Variants in SLC1A1 observed in about 807,000 individuals in gnomAD.
SLC1A1 encodes solute carrier family 1 member 1, also known as excitatory amino acid transporter 3.
Under a neutral mutation model 53.3 loss-of-function variants are expected in SLC1A1, and 43 were observed. The ratio of observed to expected loss-of-function variants is 0.81; its 90% CI spans 0.63 to 1.04. The LOEUF is 1.04. Ranked by LOEUF, SLC1A1 falls within the 50% of genes least tolerant of loss-of-function variation. SLC1A1 has a pLI of 0.00. For missense variants in SLC1A1, 748 were observed against 664.9 expected, an observed-to-expected ratio of 1.12 and a Z score of -1.37; for synonymous variants, 307 against 243.2, an observed-to-expected ratio of 1.26 and a Z score of -2.44.
chr9:4,490,971 G>C (rs542425538), intron 1 of SLC1A1, among the ~76,000 whole-genome samples: 2 of 152,192 alleles, frequency 1.3e-5, no homozygotes, highest in Non-Finnish European at 2.9e-5. Flanking sequence ...AGCTCCTCTG[G>C]GACTCCCATT....
chr9:4,580,404 G>A (rs867894695), intron 10 of SLC1A1, among the ~76,000 whole-genome samples: 2 of 151,804 alleles, frequency 1.3e-5, no homozygotes, highest in Non-Finnish European at 2.9e-5. Flanking sequence ...AACAAGGCGA[G>A]GCCCCGTCTC....
At chr9:4,535,330 C>G (rs992414403) in intron 1 of SLC1A1, among the ~76,000 whole-genome samples, 1 of 152,132 alleles carries the variant, frequency 6.6e-6, no homozygotes, top group Non-Finnish European at 1.5e-5. Flanking sequence ...CCCAAAATCT[C>G]CTTAGGCTGA....
rs1491305815 is a variant in SLC1A1 at position 4,537,592 on chromosome 9, A to ATAAAATAAAT, written c.92-6966_92-6965insTTAAAATAAA. On this transcript the variant is annotated intron_variant, in intron 1 of 11. Coordinates refer to ENST00000262352, the MANE Select transcript of SLC1A1 (RefSeq NM_004170.6). ...AAAAAATAAAATAAAATAAAATAAAATAAAATAAAAAAAAAAAAAATCACA... is the reference window on the plus strand; with the variant it reads ...AAAAAATAAAATAAAATAAAATAAAATAAAATAAATTAAAATAAAAAAAAAAAAAATCACA... 5.0e-5 allele frequency among the ~76,000 whole-genome samples: 2 copies of ATAAAATAAAT among 39,722 alleles called. 1 individual carries two copies. Among genetic ancestry groups the ATAAAATAAAT allele is most frequent in the African/African-American group, 2.3e-4 (2 of 8,552 alleles). The allele number at this position is 39,722 out of a possible 152,430, so 26.1% of individuals were successfully genotyped here.
chr9:4,580,597 A>ATG (rs1465711241), intron 10 of SLC1A1, among the ~76,000 whole-genome samples: 7 of 53,682 alleles, frequency 1.3e-4, no homozygotes, highest in Non-Finnish European at 2.0e-4. Flanking sequence ...AAAAAAAAAT[A>ATG]TATATGTGTG....
chr9:4,492,244 T>C (rs1230203834), intron 1 of SLC1A1, among the ~76,000 whole-genome samples: 1 of 152,186 alleles, frequency 6.6e-6, no homozygotes. Flanking sequence ...TTGATTTCCT[T>C]TAGGCCAAAG....
intron 1 of SLC1A1, among the ~76,000 whole-genome samples, chr9:4,528,389 G>T (rs1183919832): frequency 6.6e-6 from 1 of 152,108 alleles, no homozygotes; most frequent in African/African-American, 2.4e-5. Flanking sequence ...TGGCTAACAT[G>T]GTGAAACCCC....
Position 4,564,374 on chromosome 9 carries a change from G to A in SLC1A1, c.356G>A (p.Gly119Asp). The change falls in exon 4 of 12, where the codon GGT (glycine) becomes GAT (aspartate). Residue 119 changes from glycine (G) to aspartate (D), a missense_variant. Coordinates refer to ENST00000262352, the MANE Select transcript of SLC1A1 (RefSeq NM_004170.6). Reference sequence around the variant, plus strand: ...GTGCTGGTGGTGAGCATCAAGCCTGGTGTCACCCAGAAAGTGGGTGAAATT... The same window carrying A: ...GTGCTGGTGGTGAGCATCAAGCCTGATGTCACCCAGAAAGTGGGTGAAATT... Reference protein sequence around the residue: ...GIVLVVSIKPGVTQKVGEIAR... With the variant: ...GIVLVVSIKPDVTQKVGEIAR... 6.2e-7 allele frequency: 1 copy of A among 1,613,676 alleles called. No homozygotes were observed. Among genetic ancestry groups the A allele is most frequent in the Non-Finnish European group, 8.5e-7 (1 of 1,179,784 alleles).
At chr9:4,510,724 A>G (rs140351009) in intron 1 of SLC1A1, among the ~76,000 whole-genome samples, 1 of 152,334 alleles carries the variant, frequency 6.6e-6, no homozygotes, top group African/African-American at 2.4e-5. Flanking sequence ...TATTAGTTCA[A>G]ACAAGACTCC....
Position 4,544,587 on chromosome 9 carries a change from G to C in SLC1A1, c.112G>C (p.Val38Leu). Residue 38 changes from valine (V) to leucine (L), a missense_variant, in exon 2 of 12, where the codon GTT becomes CTT. Val to Leu is a conservative substitution (Grantham distance 32). Transcript: ENST00000262352. ...VVLGITTGVLVREHSNLSTLE... is the reference protein window; with the variant it reads ...VVLGITTGVLLREHSNLSTLE... ...CTTAGGCATTACCACAGGAGTCTTG[G>C]TTCGAGAACACAGCAACCTCTCAAC... 6.2e-7 allele frequency: 1 copy of C among 1,613,828 alleles called. No homozygotes were observed. The highest frequency in any genetic ancestry group is 2.2e-5 in the East Asian group (1 of 44,866).
chr9:4,497,602 A>T (rs572028826), intron 1 of SLC1A1, among the ~76,000 whole-genome samples: 28 of 152,254 alleles, frequency 1.8e-4, no homozygotes, highest in African/African-American at 6.7e-4. Context: ...ACCTCCATAA[A>T]TTCTCCTCTG....
chr9:4,576,727 A>G lies in SLC1A1; in HGVS notation c.1157A>G (p.Asp386Gly). ...GCGGTGTTTATTGCACAGTTGAATGACCTGGACTTGGGCATTGGGCAGATC... is the reference window on the plus strand; with the variant it reads ...GCGGTGTTTATTGCACAGTTGAATGGCCTGGACTTGGGCATTGGGCAGATC... ...VAAVFIAQLN[D>G]LDLGIGQIIT... Residue 386 changes from aspartate (D) to glycine (G), a missense_variant, in exon 10 of 12, where the codon GAC (aspartate) becomes GGC (glycine). Coordinates refer to ENST00000262352, the MANE Select transcript of SLC1A1 (RefSeq NM_004170.6). 1 of 1,614,136 alleles carries G rather than the reference A, an allele frequency of 6.2e-7. No homozygotes were observed. Among genetic ancestry groups the G allele is most frequent in the Non-Finnish European group, 8.5e-7 (1 of 1,180,030 alleles).
chr9:4,515,583 G>A (rs1389022167), intron 1 of SLC1A1, among the ~76,000 whole-genome samples: 2 of 146,180 alleles, frequency 1.4e-5, no homozygotes, highest in Non-Finnish European at 3.0e-5. Context: ...CCAAGAAGAG[G>A]GTGGAAGACA....
intron 1 of SLC1A1, among the ~76,000 whole-genome samples, chr9:4,502,004 T>C (rs1337099529): frequency 2.0e-5 from 3 of 151,644 alleles, no homozygotes; most frequent in African/African-American, 7.3e-5. Context: ...CTCTCCCCAT[T>C]ACTGGAAAAT....
chr9:4,530,593 G>C (rs1324676568), intron 1 of SLC1A1, among the ~76,000 whole-genome samples: 1 of 152,160 alleles, frequency 6.6e-6, no homozygotes, highest in East Asian at 1.9e-4. Context: ...GTAGGTGATA[G>C]ACCAAAAGGG....
chr9:4,566,116 C>T lies in SLC1A1; in HGVS notation c.483+27C>T. 3 of 1,582,982 alleles carry T rather than the reference C, an allele frequency of 1.9e-6. No individual in the cohort carries two copies. The South Asian group carries it at 3.3e-5, about 18-fold the overall frequency. ...TAATATTAATTACTTGTGCCCTTAACTTGCTACCCTCTTCCCATTATCAAT... is the reference window on the plus strand; with the variant it reads ...TAATATTAATTACTTGTGCCCTTAATTTGCTACCCTCTTCCCATTATCAAT... On this transcript the variant is annotated intron_variant, in intron 5 of 11. Coordinates refer to ENST00000262352, the MANE Select transcript of SLC1A1 (RefSeq NM_004170.6).
intron 1 of SLC1A1, among the ~76,000 whole-genome samples, chr9:4,491,622 C>T (rs1297975395): frequency 6.6e-6 from 1 of 152,182 alleles, no homozygotes; most frequent in Non-Finnish European, 1.5e-5. Context: ...TATTTAGATT[C>T]TGATTTTTTA....
At chr9:4,512,767 T>TC (rs1821040242) in intron 1 of SLC1A1, among the ~76,000 whole-genome samples, 2 of 151,974 alleles carry the variant, frequency 1.3e-5, no homozygotes, top group Non-Finnish European at 2.9e-5. Flanking sequence ...TGGTCTTTTT[T>TC]ATTTTTTTTT....
At chr9:4,567,950 C>A (rs1586819546) in intron 6 of SLC1A1, among the ~76,000 whole-genome samples, 183 bp downstream of exon 6, 2 of 152,196 alleles carry the variant, frequency 1.3e-5, no homozygotes, top group South Asian at 4.1e-4. Context: ...ATCTCGCACA[C>A]AAAGAGCGGC....
At chr9:4,530,412 C>T (rs75592175) in intron 1 of SLC1A1, among the ~76,000 whole-genome samples, 1 of 152,158 alleles carries the variant, frequency 6.6e-6, no homozygotes, top group Non-Finnish European at 1.5e-5. Flanking sequence ...AAGATCCAAG[C>T]GTCCTGGGAG....
Sources: allele counts gnomAD v4.1 joint callset (sites outside exome capture counted in the v4.1 genomes callset), GRCh38; gene constraint gnomAD v4.1.1; transcripts MANE v1.5; gene names NCBI Gene and HGNC (gene_info 2026-07-23, HGNC 2026-07-21).